The following GRAMD2A variants were observed in gnomAD, a reference collection of about 807,000 sequenced individuals.
The protein encoded by GRAMD2A is GRAM domain containing 2A, also known as GRAM domain-containing protein 2A.
GRAMD2A carries 37 observed loss-of-function variants against 51.1 expected under a neutral mutation model. The ratio of observed to expected loss-of-function variants is 0.72; its 90% confidence interval spans 0.56 to 0.95. The LOEUF is 0.95. Among genes scored for constraint, GRAMD2A ranks in the 40% least tolerant of loss-of-function variants. The probability of loss-of-function intolerance (pLI) is 0.00; values close to 1 mark genes in which losing one functional copy is unlikely to be tolerated. For synonymous variants in GRAMD2A, 136 were observed against 157.1 expected (o/e 0.87, Z 1.01); for missense variants, 414 against 426.9 (o/e 0.97, Z 0.27).
At chr15:72,196,235 C>A (rs1053729725) in intron 1 of GRAMD2A, among the ~76,000 whole-genome samples, 1 of 151,994 alleles carries the variant, frequency 6.6e-6, no homozygotes, top group Non-Finnish European at 1.5e-5. Context: ...GGGCCAGGCA[C>A]GTGGCTCACA....
At chr15:72,178,790 G>A (rs1000380375) in intron 1 of GRAMD2A, among the ~76,000 whole-genome samples, 13 of 151,782 alleles carry the variant, frequency 8.6e-5, no homozygotes, top group East Asian at 7.8e-4. Flanking sequence ...TAGCCAGGAT[G>A]GTCTTGATCT....
At chr15:72,182,700 CACAA>C (rs1373639137) in intron 1 of GRAMD2A, among the ~76,000 whole-genome samples, 1 of 152,096 alleles carries the variant, frequency 6.6e-6, no homozygotes, top group African/African-American at 2.4e-5. Context: ...GTCACAAAAA[CACAA>C]ACACATATGA....
chr15:72,187,145 A>G (rs1207356257), intron 1 of GRAMD2A, among the ~76,000 whole-genome samples: 1 of 150,836 alleles, frequency 6.6e-6, no homozygotes, highest in Non-Finnish European at 1.5e-5. Flanking sequence ...GGGCAACAAG[A>G]GCAAAACTCT....
Position 72,162,254 on chromosome 15 carries a change from G to T in GRAMD2A, c.1061+19C>A. 6.4e-7 allele frequency: 1 copy of T among 1,561,454 alleles called. No individual in the cohort carries two copies. The highest frequency in any genetic ancestry group is 1.1e-5 in the South Asian group (1 of 89,516). On this transcript the variant is annotated intron_variant, in intron 11 of 11. Transcript: ENST00000309731. ...TCAACCCTCAATATCAAAGGCATTA[G>T]AAAGAGAAAAGGCCTCACCTGTGCC...
chr15:72,177,658 G>A (rs1053029846), intron 1 of GRAMD2A, among the ~76,000 whole-genome samples: 3 of 152,228 alleles, frequency 2.0e-5, no homozygotes, highest in Admixed American at 6.5e-5. Context: ...TCTTGTGCAT[G>A]CAAGTATTCA....
At chr15:72,178,864 C>T (rs530202685) in intron 1 of GRAMD2A, among the ~76,000 whole-genome samples, 94 of 152,204 alleles carry the variant, frequency 6.2e-4, no homozygotes, top group African/African-American at 2.1e-3. Flanking sequence ...GTGAGCCACC[C>T]GGCCCGGCTG....
intron 8 of GRAMD2A, 130 bp from the exon 9 acceptor site, chr15:72,163,887 G>T: frequency 2.1e-6 from 2 of 947,058 alleles, no homozygotes; most frequent in Non-Finnish European, 3.1e-6. Context: ...AGGGATGGAA[G>T]CAGGTACAAG....
In GRAMD2A at chr15:72,161,879, G is replaced by T; in HGVS notation, c.*130C>A. 1.1e-6 allele frequency: 1 copy of T among 900,968 alleles called. No individual in the cohort carries two copies. The highest frequency in any genetic ancestry group is 1.9e-6 in the Non-Finnish European group (1 of 535,752). 55.8% of individuals were successfully genotyped at this position (900,968 alleles called of 1,614,324 possible). On this transcript the variant is annotated 3_prime_UTR_variant, in exon 12 of 12. Coordinates refer to ENST00000309731, the MANE Select transcript of GRAMD2A (RefSeq NM_001012642.3). Reference sequence around the variant, plus strand: ...GAGAAGAGCTGCGGGGAGGAGGAGGGATCTGGAATATTTTCCTTCATAGGC... The same window carrying T: ...GAGAAGAGCTGCGGGGAGGAGGAGGTATCTGGAATATTTTCCTTCATAGGC...
chr15:72,179,694 G>T (rs1051247236), intron 1 of GRAMD2A, among the ~76,000 whole-genome samples: 28 of 152,336 alleles, frequency 1.8e-4, no homozygotes, highest in Admixed American at 1.3e-4. Context: ...TCTTGACTCA[G>T]TCTGGGGTGG....
In GRAMD2A at chr15:72,161,697, A is replaced by AGTTT. The variant is rs747917926; in HGVS notation, c.*308_*311dup. The AGTTT allele has an allele frequency of 1.3e-4, 49 of 380,624 alleles. No homozygotes were observed. Among genetic ancestry groups the AGTTT allele is most frequent in the East Asian group, 4.4e-4 (8 of 18,002 alleles). The allele number at this position is 380,624 out of a possible 1,614,324, so 23.6% of individuals were successfully genotyped here. On this transcript the variant is annotated 3_prime_UTR_variant, in exon 12 of 12. Coordinates refer to ENST00000309731, the MANE Select transcript of GRAMD2A (RefSeq NM_001012642.3). ...GTGCCAGAACTGTTTCCAAGGACCC[A>AGTTT]GTTTGTTTGTTTGTTTGTTTTCTCT...
At chr15:72,167,963 T>G in intron 4 of GRAMD2A, 124 bp from the exon 5 acceptor site, 2 of 698,974 alleles carry the variant, frequency 2.9e-6, no homozygotes, top group Non-Finnish European at 5.1e-6. Flanking sequence ...AGACTCCCCC[T>G]TCCCCACCGC....
intron 1 of GRAMD2A, among the ~76,000 whole-genome samples, chr15:72,185,263 G>C (rs1028267943): frequency 6.7e-6 from 1 of 148,306 alleles, no homozygotes; most frequent in Non-Finnish European, 1.5e-5. Context: ...GCACCATCTC[G>C]GCTCACTGCA....
chr15:72,174,757 C>A lies in GRAMD2A; in HGVS notation c.42-4818G>T, dbSNP rs184239162. The stretch of plus-strand genomic sequence containing the variant: ...ATGAGGCAGGTAGGGAGCTCCCCAG[C>A]CTGAGAAGCTGCCAGAGGGCAGGGA... On this transcript the variant is annotated intron_variant, in intron 1 of 11. Coordinates refer to ENST00000309731, the MANE Select transcript of GRAMD2A (RefSeq NM_001012642.3). 3.2e-3 allele frequency among the ~76,000 whole-genome samples: 493 copies of A among 152,262 alleles called. 3 individuals carry two copies. The highest frequency in any genetic ancestry group is 5.4e-3 in the Non-Finnish European group (368 of 68,010).
At chr15:72,175,177 C>G (rs1346252450) in intron 1 of GRAMD2A, among the ~76,000 whole-genome samples, 4 of 152,152 alleles carry the variant, frequency 2.6e-5, no homozygotes, top group East Asian at 1.9e-4. Context: ...TCAGGTCCCC[C>G]CCAAGATAAC....
At chr15:72,171,924 G>T (rs1417139085) in intron 1 of GRAMD2A, among the ~76,000 whole-genome samples, 1 of 151,332 alleles carries the variant, frequency 6.6e-6, no homozygotes, top group Non-Finnish European at 1.5e-5. Context: ...CCACCTCCTG[G>T]GTTCCAGCAA....
In GRAMD2A at chr15:72,160,232, T is replaced by G. The variant is rs939841075; in HGVS notation, c.*1777A>C. 2.0e-5 allele frequency: 3 copies of G among 152,016 alleles called. No individual in the cohort carries two copies. The highest frequency in any genetic ancestry group is 4.4e-5 in the Non-Finnish European group (3 of 68,020). The allele number at this position is 152,016 out of a possible 1,614,324, so 9.4% of individuals were successfully genotyped here. On this transcript the variant is annotated 3_prime_UTR_variant, in exon 12 of 12. Transcript: ENST00000309731. ...CAAGCAAGGCTCAGAGAATGGATTT[T>G]TATCTCTGTCTTTCAGCAAGGACCA...
intron 1 of GRAMD2A, among the ~76,000 whole-genome samples, chr15:72,175,044 C>T (rs79277730): frequency 0.013 from 2,042 of 152,160 alleles, 22 homozygotes; most frequent in East Asian, 0.026. Flanking sequence ...ATCTCAGTAG[C>T]GGCCCCCCAA....
At chr15:72,184,495 C>T (rs1481691213) in intron 1 of GRAMD2A, among the ~76,000 whole-genome samples, 1 of 152,260 alleles carries the variant, frequency 6.6e-6, no homozygotes, top group African/African-American at 2.4e-5. Flanking sequence ...GCGCGCGCCC[C>T]TCTGAGCCCC....
chr15:72,174,994 G>A (rs879492897), intron 1 of GRAMD2A, among the ~76,000 whole-genome samples: 8 of 151,864 alleles, frequency 5.3e-5, no homozygotes, highest in Admixed American at 1.3e-4. Flanking sequence ...ACACCCTCCC[G>A]AGCTTCACCC....
Sources: gnomAD v4.1 joint callset for allele counts (sites outside exome capture counted in the v4.1 genomes callset) on GRCh38, gnomAD v4.1.1 for gene constraint, MANE v1.5 for transcripts, NCBI Gene and HGNC (gene_info 2026-07-23, HGNC 2026-07-21) for gene names.